Variants in EHBP1 observed in about 807,000 individuals in gnomAD.
EHBP1 encodes EH domain binding protein 1.
A neutral mutation model predicts 144.0 loss-of-function variants in EHBP1; 55 were observed. That is an observed-to-expected ratio of 0.38 (90% confidence interval 0.31 to 0.48). The LOEUF (loss-of-function observed/expected upper bound fraction) is 0.48, where lower values mean the gene tolerates loss of function less well. Among genes scored for constraint, EHBP1 ranks in the 20% least tolerant of loss-of-function variants. The pLI is 0.98. For synonymous variants in EHBP1, 469 were observed against 472.7 expected (o/e 0.99, Z 0.10); for missense variants, 1,200 against 1,364.2 (o/e 0.88, Z 1.90).
At chr2:62,947,767 A>G (rs1437703535) in intron 12 of EHBP1, among the ~76,000 whole-genome samples, 2 of 152,210 alleles carry the variant, frequency 1.3e-5, no homozygotes. Flanking sequence ...TATGAAAATC[A>G]GTCTTAATTG....
intron 14 of EHBP1, among the ~76,000 whole-genome samples, chr2:62,969,843 A>G (rs954500684): frequency 1.3e-5 from 2 of 152,128 alleles, no homozygotes; most frequent in Non-Finnish European, 2.9e-5. Context: ...ATTTATAAGC[A>G]TGTCTGCTTA....
At chr2:62,711,016 A>G (rs2035094684) in intron 2 of EHBP1, among the ~76,000 whole-genome samples, 1 of 152,210 alleles carries the variant, frequency 6.6e-6, no homozygotes, top group South Asian at 2.1e-4. Flanking sequence ...TTAATTAGAA[A>G]CAAACTTGGT....
At chr2:62,858,309 C>A in intron 7 of EHBP1, 1 of 710,944 alleles carries the variant, frequency 1.4e-6, no homozygotes, top group Non-Finnish European at 2.4e-6. Context: ...ATTAACCAAA[C>A]ATCTCCTCTT....
chr2:62,780,342 T>C (rs1300561510), intron 5 of EHBP1, among the ~76,000 whole-genome samples: 2 of 152,142 alleles, frequency 1.3e-5, no homozygotes, highest in African/African-American at 2.4e-5. Context: ...TATATGATTA[T>C]GGGAATGATG....
intron 5 of EHBP1, among the ~76,000 whole-genome samples, chr2:62,794,086 G>A (rs1407861452): frequency 6.6e-6 from 1 of 152,040 alleles, no homozygotes; most frequent in South Asian, 2.1e-4. Flanking sequence ...AAAACAGAGA[G>A]CTGAGAACTG....
chr2:62,767,694 G>A (rs929635408), intron 4 of EHBP1, among the ~76,000 whole-genome samples: 2 of 151,612 alleles, frequency 1.3e-5, no homozygotes, highest in Non-Finnish European at 2.9e-5. Context: ...AAATTAGCTG[G>A]GTGCAGTGGT....
At chr2:62,780,818 T>C (rs1187744587) in intron 5 of EHBP1, among the ~76,000 whole-genome samples, 3 of 152,210 alleles carry the variant, frequency 2.0e-5, no homozygotes, top group Non-Finnish European at 2.9e-5. Context: ...GAAAGTTCCA[T>C]TTTTTAGCAA....
chr2:63,044,991 G>A, intron 21 of EHBP1, 75 bp from the exon 22 acceptor site: 1 of 1,092,642 alleles, frequency 9.2e-7, no homozygotes, highest in Non-Finnish European at 1.3e-6. Flanking sequence ...AACTGGAAAA[G>A]GCGGGAAGGG....
chr2:63,013,482 C>T (rs567786368), intron 19 of EHBP1, among the ~76,000 whole-genome samples: 1 of 152,240 alleles, frequency 6.6e-6, no homozygotes, highest in African/African-American at 2.4e-5. Context: ...ATGCATTGTG[C>T]AAACCTAGGG....
intron 10 of EHBP1, among the ~76,000 whole-genome samples, chr2:62,924,924 C>A (rs548593633): frequency 6.6e-5 from 10 of 152,250 alleles, no homozygotes; most frequent in African/African-American, 2.4e-4. Flanking sequence ...ACCAGTATCC[C>A]TGATGAACGT....
chr2:62,738,601 G>A (rs1020168383), intron 2 of EHBP1, among the ~76,000 whole-genome samples: 2 of 152,052 alleles, frequency 1.3e-5, no homozygotes, highest in African/African-American at 4.8e-5. Context: ...TGACATCTTA[G>A]GACCTTTTTT....
In EHBP1 at chr2:63,041,102, A is replaced by G. The variant is rs568478303; in HGVS notation, c.3277+2286A>G. 1.3e-4 allele frequency among the ~76,000 whole-genome samples: 20 copies of G among 152,350 alleles called. No homozygotes were observed. The South Asian group carries it at 3.3e-3, about 25-fold the overall frequency. Reference sequence around the variant, plus strand: ...ACCATTCACCAGGAGAACAGCATAGAATATTGATAACCATGGCACATTGAA... The same window carrying G: ...ACCATTCACCAGGAGAACAGCATAGGATATTGATAACCATGGCACATTGAA... On this transcript the variant is annotated intron_variant, in intron 21 of 22. Transcript: ENST00000431489.
At chr2:62,771,312 C>G (rs762022722) in intron 4 of EHBP1, 27 bp from the exon 5 acceptor site, 103 of 1,562,786 alleles carry the variant, frequency 6.6e-5, no homozygotes, top group Non-Finnish European at 8.7e-5. Context: ...TATTTCAATT[C>G]CATTTCATAT....
chr2:62,861,381 G>A lies in EHBP1; in HGVS notation c.757+2090G>A, dbSNP rs539318438. Among the ~76,000 whole-genome samples the A allele has an allele frequency of 1.1e-3, 162 of 151,012 alleles. 1 individual carries two copies. The highest frequency in any genetic ancestry group is 0.01 in the South Asian group (49 of 4,780). ...CTGACCTTGTAATCGGCCCACCTTG[G>A]CCTCCCAAAGTGCTGGGATTACAGG... On this transcript the variant is annotated intron_variant, in intron 8 of 22. Coordinates refer to ENST00000431489, the MANE Select transcript of EHBP1 (RefSeq NM_001142616.3).
chr2:62,809,598 G>T (rs182267392), intron 5 of EHBP1, among the ~76,000 whole-genome samples: 4 of 152,242 alleles, frequency 2.6e-5, no homozygotes, highest in Admixed American at 2.6e-4. Context: ...TATGGATCCT[G>T]TCACCCAGAT....
intron 7 of EHBP1, among the ~76,000 whole-genome samples, chr2:62,852,375 A>G (rs1422317510): frequency 1.3e-5 from 2 of 152,070 alleles, no homozygotes; most frequent in Non-Finnish European, 2.9e-5. Flanking sequence ...TGTGGATGCA[A>G]AGCCTTTCCT....
At chr2:62,893,335 CTT>C (rs1050120735) in intron 10 of EHBP1, among the ~76,000 whole-genome samples, 2 of 151,896 alleles carry the variant, frequency 1.3e-5, no homozygotes, top group African/African-American at 4.8e-5. Flanking sequence ...GTTCTCATAA[CTT>C]TTTTTTAAAC....
At chr2:62,752,168 T>G (rs2039797302) in intron 3 of EHBP1, among the ~76,000 whole-genome samples, 1 of 152,206 alleles carries the variant, frequency 6.6e-6, no homozygotes, top group Non-Finnish European at 1.5e-5. Context: ...GTCCCAGAGA[T>G]TCTGGTATGT....
chr2:62,895,950 T>C (rs1344253272), intron 10 of EHBP1, among the ~76,000 whole-genome samples: 1 of 152,232 alleles, frequency 6.6e-6, no homozygotes, highest in Admixed American at 6.5e-5. Context: ...TAACAATGGT[T>C]AAATTAGTAA....
Sources: allele counts gnomAD v4.1 joint callset (sites outside exome capture counted in the v4.1 genomes callset), GRCh38; gene constraint gnomAD v4.1.1; transcripts MANE v1.5; gene names NCBI Gene and HGNC (gene_info 2026-07-23, HGNC 2026-07-21).